Variants in NELL1 observed in about 807,000 individuals in gnomAD.
NELL1 encodes the protein neural EGFL like 1, also known as protein kinase C-binding protein NELL1.
In NELL1, 76 loss-of-function variants were observed where a neutral mutation model predicts 107.4. That is an observed-to-expected ratio of 0.71 (90% CI 0.59 to 0.86). The LOEUF (loss-of-function observed/expected upper bound fraction) is 0.86. Ranked by LOEUF, NELL1 falls within the 40% of genes least tolerant of loss-of-function variation. NELL1 has a pLI of 0.00. For missense variants in NELL1, 1,024 were observed against 1,005.5 expected (o/e 1.02, Z -0.25); for synonymous variants, 353 against 341.2 (o/e 1.03, Z -0.38).
chr11:20,718,153 A>T (rs1010054431), intron 2 of NELL1, among the ~76,000 whole-genome samples: 5 of 152,226 alleles, frequency 3.3e-5, no homozygotes, highest in Non-Finnish European at 7.3e-5. Flanking sequence ...GAAATTGGTT[A>T]TTCCAGAGCA....
intron 2 of NELL1, among the ~76,000 whole-genome samples, chr11:20,776,148 T>C (rs533674166): frequency 9.5e-4 from 144 of 152,210 alleles, no homozygotes; most frequent in African/African-American, 3.3e-3. Flanking sequence ...GGAATAAATA[T>C]AGCACTTGGC....
chr11:21,366,141 A>G (rs1257690103), intron 14 of NELL1, among the ~76,000 whole-genome samples: 1 of 152,162 alleles, frequency 6.6e-6, no homozygotes, highest in Admixed American at 6.6e-5. Context: ...AGGTGATGAT[A>G]TCACCCTTAT....
intron 14 of NELL1, among the ~76,000 whole-genome samples, chr11:21,341,076 C>T (rs1436550548): frequency 1.3e-5 from 2 of 152,124 alleles, no homozygotes; most frequent in East Asian, 3.9e-4. Flanking sequence ...CTAATATAGC[C>T]TTTATTCCTA....
At chr11:20,694,758 G>T (rs900962771) in intron 2 of NELL1, among the ~76,000 whole-genome samples, 7 of 151,970 alleles carry the variant, frequency 4.6e-5, no homozygotes, top group African/African-American at 1.4e-4. Context: ...GCTTAAGATT[G>T]TTTTGGTTAT....
intron 2 of NELL1, among the ~76,000 whole-genome samples, chr11:20,766,653 CA>C (rs1421054215): frequency 1.3e-5 from 2 of 152,156 alleles, no homozygotes; most frequent in African/African-American, 4.8e-5. Flanking sequence ...CCTTCTCTCT[CA>C]ATCTTTGACT....
At chr11:20,708,312 C>A (rs112776127) in intron 2 of NELL1, among the ~76,000 whole-genome samples, 7,165 of 152,284 alleles carry the variant, frequency 0.047, 570 homozygotes, top group African/African-American at 0.16. Flanking sequence ...CGATGCCCCG[C>A]CCTGCTTCGG....
rs1391063002 is a variant in NELL1, at chr11:20,678,072, T to G, written c.184+12T>G. 6.2e-7 allele frequency: 1 copy of G among 1,613,932 alleles called. No homozygotes were observed. Among genetic ancestry groups the G allele is most frequent in the Non-Finnish European group, 8.5e-7 (1 of 1,179,858 alleles). On this transcript the variant is annotated intron_variant, in intron 2 of 19. Transcript: ENST00000357134. ...ATTTTTATTTCAAGGTAAAGGCACC[T>G]CCTTTCTTGCATGGTGGCAGAGGTT...
intron 5 of NELL1, among the ~76,000 whole-genome samples, chr11:20,894,238 G>A (rs931548305): frequency 6.6e-6 from 1 of 152,176 alleles, no homozygotes; most frequent in Non-Finnish European, 1.5e-5. Context: ...TTTTAAATAA[G>A]ATGTAAGAAA....
At chr11:21,112,120 G>A (rs568774370) in intron 12 of NELL1, among the ~76,000 whole-genome samples, 6 of 152,006 alleles carry the variant, frequency 3.9e-5, no homozygotes, top group Admixed American at 6.6e-5. Flanking sequence ...TTGGCCTGCA[G>A]GAAGTTGATT....
intron 12 of NELL1, among the ~76,000 whole-genome samples, chr11:21,087,370 C>T (rs1854419838): frequency 7.1e-6 from 1 of 140,932 alleles, no homozygotes; most frequent in South Asian, 2.6e-4. Context: ...GAATTTAATG[C>T]TGGTGTGATC....
chr11:21,390,922 T>A (rs1390020821), intron 15 of NELL1, among the ~76,000 whole-genome samples: 2 of 151,588 alleles, frequency 1.3e-5, no homozygotes, highest in African/African-American at 4.8e-5. Context: ...TTCCATGAGG[T>A]TTTTTTTCAA....
At chr11:20,719,022 G>A (rs894877274) in intron 2 of NELL1, among the ~76,000 whole-genome samples, 1 of 152,194 alleles carries the variant, frequency 6.6e-6, no homozygotes, top group African/African-American at 2.4e-5. Context: ...GCAGGAGCTG[G>A]CCTCGAAAGC....
chr11:21,288,048 G>GGGAAGGAAGGAAAGAAA (rs1367232051), intron 14 of NELL1, among the ~76,000 whole-genome samples: 1 of 147,338 alleles, frequency 6.8e-6, no homozygotes, highest in Middle Eastern at 3.4e-3. Flanking sequence ...GAAAAAATAA[G>GGGAAGGAAGGAAAGAAA]GGAAGGAAGG....
At chr11:21,277,835 T>C (rs1565144088) in intron 14 of NELL1, among the ~76,000 whole-genome samples, 1 of 151,978 alleles carries the variant, frequency 6.6e-6, no homozygotes, top group Non-Finnish European at 1.5e-5. Flanking sequence ...CAGTCATAGG[T>C]GGGAATTGAA....
chr11:20,790,091 G>A (rs1363485909), intron 3 of NELL1, among the ~76,000 whole-genome samples: 1 of 152,198 alleles, frequency 6.6e-6, no homozygotes, highest in Non-Finnish European at 1.5e-5. Context: ...GGCACTACAA[G>A]TTCCCATTCC....
intron 12 of NELL1, among the ~76,000 whole-genome samples, chr11:21,042,085 T>C (rs1192462401): frequency 6.6e-6 from 1 of 152,246 alleles, no homozygotes; most frequent in Non-Finnish European, 1.5e-5. Flanking sequence ...ATACATCATT[T>C]ATGAATCAAG....
intron 15 of NELL1, among the ~76,000 whole-genome samples, chr11:21,454,548 C>G (rs1046067262): frequency 6.6e-5 from 10 of 152,084 alleles, no homozygotes; most frequent in South Asian, 2.1e-4. Context: ...ATTTTAAATA[C>G]AAGATTATCT....
chr11:21,109,608 G>C (rs1333263370), intron 12 of NELL1, among the ~76,000 whole-genome samples: 1 of 152,068 alleles, frequency 6.6e-6, no homozygotes, highest in Non-Finnish European at 1.5e-5. Context: ...TAATTGCTTT[G>C]GTCCAACTCA....
chr11:21,308,486 G>C (rs974747125), intron 14 of NELL1, among the ~76,000 whole-genome samples: 3 of 152,028 alleles, frequency 2.0e-5, no homozygotes, highest in Admixed American at 6.6e-5. Flanking sequence ...GAATGAAAAT[G>C]TGATGAAAGC....
Sources: allele counts gnomAD v4.1 joint callset (sites outside exome capture counted in the v4.1 genomes callset), GRCh38; gene constraint gnomAD v4.1.1; transcripts MANE v1.5; gene names NCBI Gene and HGNC (gene_info 2026-07-23, HGNC 2026-07-21).